Variants in STIM1 observed in about 807,000 individuals in gnomAD.
STIM1 encodes stromal interaction molecule 1.
A neutral mutation model predicts 74.7 loss-of-function variants in STIM1; 25 were observed. The ratio of observed to expected loss-of-function variants is 0.33; its 90% CI spans 0.24 to 0.47. STIM1 has a LOEUF of 0.47. Ranked by LOEUF, STIM1 falls within the 20% of genes least tolerant of loss-of-function variation. The pLI is 1.00. For synonymous variants in STIM1, 328 were observed against 348.8 expected (o/e 0.94, Z 0.66); for missense variants, 728 against 920.8 (o/e 0.79, Z 2.71).
chr11:3,991,119 T>TTGC (rs1181329280), intron 2 of STIM1, among the ~76,000 whole-genome samples: 1 of 152,080 alleles, frequency 6.6e-6, no homozygotes, highest in Non-Finnish European at 1.5e-5. Flanking sequence ...TGCATTCATG[T>TTGC]TGCTGCAAAA....
intron 2 of STIM1, chr11:3,972,877 A>T: frequency 2.0e-6 from 1 of 489,074 alleles, no homozygotes; most frequent in Non-Finnish European, 4.0e-6. Context: ...GCCAGTATAG[A>T]ATCCAGAGCT....
chr11:3,998,794 G>A (rs1431937833), intron 2 of STIM1, among the ~76,000 whole-genome samples: 1 of 152,170 alleles, frequency 6.6e-6, no homozygotes, highest in East Asian at 1.9e-4. Context: ...TAGACAAAGA[G>A]TGGGAGAAAG....
At chr11:3,931,681 A>C (rs747546897) in intron 1 of STIM1, among the ~76,000 whole-genome samples, 15 of 152,204 alleles carry the variant, frequency 9.9e-5, no homozygotes, top group African/African-American at 3.6e-4. Context: ...CATTTCATAC[A>C]TTAAAATCCT....
intron 2 of STIM1, among the ~76,000 whole-genome samples, chr11:4,005,249 C>G (rs193182846): frequency 5.1e-4 from 77 of 152,214 alleles, no homozygotes; most frequent in African/African-American, 1.9e-3. Context: ...ACCCAAAGGA[C>G]TATAAATCAT....
intron 1 of STIM1, among the ~76,000 whole-genome samples, chr11:3,885,880 C>T (rs1237000633): frequency 1.3e-5 from 2 of 152,192 alleles, no homozygotes; most frequent in Non-Finnish European, 2.9e-5. Flanking sequence ...TCAAGCAGTC[C>T]TCCCGCCTCA....
At chr11:3,921,268 G>T (rs758691171) in intron 1 of STIM1, among the ~76,000 whole-genome samples, 4 of 152,186 alleles carry the variant, frequency 2.6e-5, no homozygotes, top group Non-Finnish European at 5.9e-5. Flanking sequence ...TGCTAGAGCA[G>T]GTTATACTTC....
chr11:4,012,296 T>C (rs925081149), intron 2 of STIM1, among the ~76,000 whole-genome samples: 1 of 152,236 alleles, frequency 6.6e-6, no homozygotes, highest in Non-Finnish European at 1.5e-5. Context: ...TAGCATTGAA[T>C]CTATAAATTA....
chr11:4,051,176 T>C (rs2094237245), intron 3 of STIM1, among the ~76,000 whole-genome samples: 1 of 152,208 alleles, frequency 6.6e-6, no homozygotes, highest in South Asian at 2.1e-4. Context: ...ACGGTGTCAC[T>C]GTAACTATTT....
chr11:4,029,625 G>A (rs2132913106), intron 3 of STIM1, among the ~76,000 whole-genome samples: 2 of 152,018 alleles, frequency 1.3e-5, no homozygotes, highest in Non-Finnish European at 2.9e-5. Context: ...GTGTGCGTGT[G>A]TATGTGGTGT....
At chr11:3,924,142 T>A (rs1341503852) in intron 1 of STIM1, among the ~76,000 whole-genome samples, 1 of 151,828 alleles carries the variant, frequency 6.6e-6, no homozygotes, top group Admixed American at 6.6e-5. Context: ...AAATTATTTT[T>A]TTTTTTCTGT....
At chr11:3,890,810 T>TTTGC (rs1021044867) in intron 1 of STIM1, among the ~76,000 whole-genome samples, 4 of 152,234 alleles carry the variant, frequency 2.6e-5, no homozygotes, top group African/African-American at 9.6e-5. Flanking sequence ...ATTTTGCTTC[T>TTTGC]AGAAGGCATT....
intron 3 of STIM1, among the ~76,000 whole-genome samples, chr11:4,031,435 G>T (rs1262093113): frequency 6.6e-6 from 1 of 152,086 alleles, no homozygotes; most frequent in African/African-American, 2.4e-5. Context: ...TAGATGATAT[G>T]GTAGGTATAT....
chr11:3,947,180 C>A (rs2093087570), intron 1 of STIM1, among the ~76,000 whole-genome samples: 1 of 151,824 alleles, frequency 6.6e-6, no homozygotes, highest in African/African-American at 2.4e-5. Flanking sequence ...ACAGGAAACC[C>A]TTGAACACTT....
chr11:3,857,467 G>T (rs1285048086), intron 1 of STIM1, among the ~76,000 whole-genome samples: 5 of 151,766 alleles, frequency 3.3e-5, no homozygotes, highest in African/African-American at 1.2e-4. Flanking sequence ...CTGTCTCTCT[G>T]TGTTGTGCAG....
intron 12 of STIM1, 125 bp downstream of exon 12, chr11:4,086,668 G>T: frequency 6.5e-7 from 1 of 1,547,434 alleles, no homozygotes; most frequent in East Asian, 2.4e-5. Context: ...ATCTGCCTCT[G>T]CTGCTGCTTC....
At chr11:4,019,155 A>C (rs1489930723) in intron 2 of STIM1, 5 of 155,142 alleles carry the variant, frequency 3.2e-5, no homozygotes, top group Admixed American at 6.5e-5. Flanking sequence ...AGGCATCCAC[A>C]CAATGAAAAA....
intron 1 of STIM1, among the ~76,000 whole-genome samples, chr11:3,930,315 A>C (rs1456102058): frequency 1.3e-5 from 2 of 152,244 alleles, no homozygotes; most frequent in Non-Finnish European, 2.9e-5. Flanking sequence ...TTAGTAACCT[A>C]ATGTTACACA....
At chr11:3,924,902 A>G (rs1166938160) in intron 1 of STIM1, among the ~76,000 whole-genome samples, 2 of 152,200 alleles carry the variant, frequency 1.3e-5, no homozygotes, top group Admixed American at 6.5e-5. Context: ...GTCCCTTGAA[A>G]GACAGTTCCT....
chr11:4,046,542 A>G (rs552592776), intron 3 of STIM1, among the ~76,000 whole-genome samples: 6 of 152,184 alleles, frequency 3.9e-5, no homozygotes, highest in African/African-American at 1.4e-4. Context: ...TGAGGACATT[A>G]AGAGATTGGA....
Sources: gnomAD v4.1 joint callset for allele counts (sites outside exome capture counted in the v4.1 genomes callset) on GRCh38, gnomAD v4.1.1 for gene constraint, MANE v1.5 for transcripts, NCBI Gene and HGNC (gene_info 2026-07-23, HGNC 2026-07-21) for gene names.